Variants in HMBOX1 observed in about 807,000 individuals in gnomAD.
HMBOX1 encodes homeobox containing 1, also known as homeobox-containing protein 1.
Under a neutral mutation model 54.5 loss-of-function variants are expected in HMBOX1, and 14 were observed. That is an observed-to-expected ratio of 0.26 (90% confidence interval 0.17 to 0.40). The LOEUF (loss-of-function observed/expected upper bound fraction) is 0.40, where lower values mean the gene tolerates loss of function less well. Among genes scored for constraint, HMBOX1 ranks in the 10% least tolerant of loss-of-function variants. The pLI is 1.00. For missense variants in HMBOX1, 332 were observed against 514.4 expected (o/e 0.65, Z 3.43); for synonymous variants, 160 against 181.0 (o/e 0.88, Z 0.93).
At chr8:28,986,602 A>G (rs1426810802) in intron 4 of HMBOX1, among the ~76,000 whole-genome samples, 3 of 152,196 alleles carry the variant, frequency 2.0e-5, no homozygotes, top group Non-Finnish European at 4.4e-5. Flanking sequence ...TTCTCTCTCC[A>G]AATGGAAGAG....
intron 4 of HMBOX1, among the ~76,000 whole-genome samples, chr8:29,001,388 A>C (rs1471752899): frequency 6.6e-6 from 1 of 152,140 alleles, no homozygotes; most frequent in Non-Finnish European, 1.5e-5. Context: ...TGTCTCTACT[A>C]AAAATACAAA....
At chr8:28,981,391 T>C (rs1829322370) in intron 4 of HMBOX1, among the ~76,000 whole-genome samples, 1 of 152,224 alleles carries the variant, frequency 6.6e-6, no homozygotes, top group South Asian at 2.1e-4. Flanking sequence ...ATTTAAAATA[T>C]GTTGTTAACC....
intron 6 of HMBOX1, among the ~76,000 whole-genome samples, chr8:29,042,191 G>C (rs1487139207): frequency 6.6e-6 from 1 of 152,130 alleles, no homozygotes; most frequent in African/African-American, 2.4e-5. Context: ...TAAGATCACT[G>C]TATGGGCACA....
At chr8:28,901,796 T>C (rs1407705952) in intron 1 of HMBOX1, among the ~76,000 whole-genome samples, 1 of 152,192 alleles carries the variant, frequency 6.6e-6, no homozygotes, top group African/African-American at 2.4e-5. Context: ...CAGAAGTCAT[T>C]TTCTGTATTG....
chr8:29,024,971 C>A (rs1801794673), intron 6 of HMBOX1, among the ~76,000 whole-genome samples: 1 of 152,090 alleles, frequency 6.6e-6, no homozygotes, highest in Admixed American at 6.5e-5. Flanking sequence ...TCCCTACCCC[C>A]CACCCCGTCG....
At position 29,053,027 on chromosome 8, in the gene HMBOX1, A is replaced by G. The variant is rs1284687621; in HGVS notation, c.*1872A>G. ...CAGTTTTCCCTTTCTCATTCAGGAG[A>G]TACTGAATATCCGCCAGTTTGTAGT... On this transcript the variant is annotated 3_prime_UTR_variant, in exon 10 of 10. Coordinates refer to ENST00000287701, the MANE Select transcript of HMBOX1 (RefSeq NM_001135726.3). 1.3e-5 allele frequency: 2 copies of G among 152,512 alleles called. No individual in the cohort carries two copies. The highest frequency in any genetic ancestry group is 2.9e-5 in the Non-Finnish European group (2 of 68,044). 9.4% of individuals were successfully genotyped at this position (152,512 alleles called of 1,614,324 possible).
At chr8:28,923,002 A>G (rs1292523948) in intron 1 of HMBOX1, among the ~76,000 whole-genome samples, 2 of 152,194 alleles carry the variant, frequency 1.3e-5, no homozygotes, top group South Asian at 2.1e-4. Context: ...TTAAAATTTA[A>G]AATTATGTAA....
At chr8:29,029,545 C>T (rs1017699568) in intron 6 of HMBOX1, among the ~76,000 whole-genome samples, 1 of 152,132 alleles carries the variant, frequency 6.6e-6, no homozygotes, top group African/African-American at 2.4e-5. Flanking sequence ...ATTTCATTTA[C>T]CTATATTTGG....
intron 6 of HMBOX1, among the ~76,000 whole-genome samples, chr8:29,021,305 C>G (rs1801112174): frequency 6.6e-6 from 1 of 152,044 alleles, no homozygotes; most frequent in Non-Finnish European, 1.5e-5. Context: ...CCCTTCATAT[C>G]CTGGCAATGG....
intron 9 of HMBOX1, chr8:29,049,720 A>ACCCCCACATAGATGT (rs1335415551): frequency 4.5e-6 from 1 of 224,030 alleles, no homozygotes; most frequent in African/African-American, 2.3e-5. Context: ...TCCCTCCTCG[A>ACCCCCACATAGATGT]CCCCCACATA....
chr8:28,964,540 A>G (rs891731980), intron 2 of HMBOX1, among the ~76,000 whole-genome samples: 19 of 152,238 alleles, frequency 1.2e-4, no homozygotes, highest in African/African-American at 4.1e-4. Context: ...CAGAGTATCT[A>G]TTAGCTCATT....
intron 5 of HMBOX1, among the ~76,000 whole-genome samples, chr8:29,015,804 T>A (rs1834910538): frequency 6.6e-6 from 1 of 152,266 alleles, no homozygotes; most frequent in African/African-American, 2.4e-5. Flanking sequence ...TTGCAGGTTA[T>A]ATGATCTCTA....
At chr8:28,895,510 A>C (rs1014651348) in intron 1 of HMBOX1, among the ~76,000 whole-genome samples, 1 of 152,110 alleles carries the variant, frequency 6.6e-6, no homozygotes, top group Non-Finnish European at 1.5e-5. Flanking sequence ...CCTTGTCTCT[A>C]CTGAAAAGAC....
chr8:28,944,766 G>A lies in HMBOX1; in HGVS notation c.-57-19045G>A, dbSNP rs1822113760. 2.0e-5 allele frequency among the ~76,000 whole-genome samples: 3 copies of A among 152,262 alleles called. No homozygotes were observed. In the South Asian group the frequency reaches 6.2e-4, roughly 32 times the overall value. The stretch of plus-strand genomic sequence containing the variant: ...AGGAAGAAAAAGGTAATTCCTTCAA[G>A]ATGGTTAGAAACTACTGCTTTGATT... On this transcript the variant is annotated intron_variant, in intron 1 of 9. Transcript: ENST00000287701.
intron 7 of HMBOX1, among the ~76,000 whole-genome samples, chr8:29,046,930 T>C (rs1805651236): frequency 6.6e-6 from 1 of 152,182 alleles, no homozygotes; most frequent in African/African-American, 2.4e-5. Context: ...TGCAGTGAGC[T>C]ATAATTGCAC....
At position 28,910,443 on chromosome 8, in the gene HMBOX1, G is replaced by A. The variant is rs571883758; in HGVS notation, c.-58+19765G>A. Among the ~76,000 whole-genome samples, 4 of 152,222 alleles carry A rather than the reference G, an allele frequency of 2.6e-5. No homozygotes were observed. The South Asian group carries it at 8.3e-4, about 32-fold the overall frequency. Reference sequence around the variant, plus strand: ...TAGGTACCTAGAAGTGGTATTGTTGGCTTGCATGGTATCTATGTTTAGCTT... The same window carrying A: ...TAGGTACCTAGAAGTGGTATTGTTGACTTGCATGGTATCTATGTTTAGCTT... On this transcript the variant is annotated intron_variant, in intron 1 of 9. Transcript: ENST00000287701.
intron 1 of HMBOX1, among the ~76,000 whole-genome samples, chr8:28,923,934 C>T (rs1006506332): frequency 2.0e-5 from 3 of 151,902 alleles, no homozygotes; most frequent in East Asian, 3.9e-4. Context: ...CCTGTTTAAA[C>T]CCTTTGCCCA....
chr8:29,001,575 AAACAAAAC>A (rs1406901081), intron 4 of HMBOX1, among the ~76,000 whole-genome samples: 3 of 152,040 alleles, frequency 2.0e-5, no homozygotes, highest in South Asian at 4.2e-4. Flanking sequence ...AAACAAAACA[AAACAAAAC>A]AAAACAAAAC....
intron 6 of HMBOX1, among the ~76,000 whole-genome samples, chr8:29,026,581 T>TG (rs1802083976): frequency 6.6e-6 from 1 of 152,220 alleles, no homozygotes; most frequent in South Asian, 2.1e-4. Flanking sequence ...AAGCTTCACA[T>TG]ATACTTACCC....
Sources: allele counts gnomAD v4.1 joint callset (sites outside exome capture counted in the v4.1 genomes callset), GRCh38; gene constraint gnomAD v4.1.1; transcripts MANE v1.5; gene names NCBI Gene and HGNC (gene_info 2026-07-23, HGNC 2026-07-21).